SDCCAG8: variants seen among roughly 807,000 people sequenced by gnomAD.
SDCCAG8 encodes the protein SHH signaling and ciliogenesis regulator SDCCAG8, also known as serologically defined colon cancer antigen 8.
In SDCCAG8, 74 loss-of-function variants were observed where a neutral mutation model predicts 101.8. The observed-to-expected ratio is 0.73, with a 90% CI of 0.60 to 0.88. The LOEUF (loss-of-function observed/expected upper bound fraction) is 0.88. Ranked by LOEUF, SDCCAG8 falls within the 40% of genes least tolerant of loss-of-function variation. The probability of loss-of-function intolerance (pLI) is 0.00; values close to 1 mark genes in which losing one functional copy is unlikely to be tolerated. For missense variants in SDCCAG8, 787 were observed against 822.6 expected (o/e 0.96, Z 0.53); for synonymous variants, 281 against 292.9 (o/e 0.96, Z 0.41).
rs559710990 is a variant in SDCCAG8, at chr1:243,267,718, A to C, written c.68-2387A>C. 3.8e-6 allele frequency: 3 copies of C among 795,596 alleles called. No individual in the cohort carries two copies. The East Asian group carries it at 7.3e-5, about 19-fold the overall frequency. 49.3% of individuals were successfully genotyped at this position (795,596 alleles called of 1,614,324 possible). ...CATGTGCATAGGTTCCTGTGTGTGT[A>C]CATGGTAATTGTTCAAATCTTGGAT... On this transcript the variant is annotated intron_variant, in intron 1 of 17. Transcript: ENST00000366541.
At chr1:243,348,202 A>ATTTTTTTT (rs74162279) in intron 12 of SDCCAG8, among the ~76,000 whole-genome samples, 3 of 131,652 alleles carry the variant, frequency 2.3e-5, no homozygotes, top group Admixed American at 7.4e-5. Context: ...CGCCCGGCTA[A>ATTTTTTTT]TTTTTTTTTT....
intron 5 of SDCCAG8, among the ~76,000 whole-genome samples, chr1:243,288,141 AC>A (rs2069814406): frequency 6.6e-6 from 1 of 152,028 alleles, no homozygotes; most frequent in African/African-American, 2.4e-5. Context: ...TTGAATTGTT[AC>A]CCCCACGTTT....
intron 16 of SDCCAG8, among the ~76,000 whole-genome samples, chr1:243,438,737 A>G (rs1209192453): frequency 6.6e-6 from 1 of 152,214 alleles, no homozygotes; most frequent in Non-Finnish European, 1.5e-5. Context: ...TTTCAGTACC[A>G]TGAGGCTTTT....
chr1:243,289,143 C>G (rs966620158), intron 5 of SDCCAG8, among the ~76,000 whole-genome samples: 6 of 152,000 alleles, frequency 3.9e-5, no homozygotes, highest in Non-Finnish European at 8.8e-5. Context: ...GACACAATCA[C>G]AAGGTCCCAC....
intron 4 of SDCCAG8, among the ~76,000 whole-genome samples, chr1:243,278,441 G>A (rs757119635): frequency 2.0e-5 from 3 of 152,056 alleles, no homozygotes; most frequent in Non-Finnish European, 2.9e-5. Context: ...GGCTGCTCTC[G>A]AACTCCTGAA....
intron 6 of SDCCAG8, among the ~76,000 whole-genome samples, chr1:243,295,472 G>A (rs1469104345): frequency 2.0e-5 from 3 of 151,956 alleles, no homozygotes; most frequent in Non-Finnish European, 4.4e-5. Context: ...TCCTGACCTC[G>A]TAATCCACCC....
intron 9 of SDCCAG8, among the ~76,000 whole-genome samples, chr1:243,329,200 A>G (rs2074415372): frequency 6.6e-6 from 1 of 152,108 alleles, no homozygotes; most frequent in South Asian, 2.1e-4. Flanking sequence ...CTCGGCTGGA[A>G]TTTTGACTTG....
In SDCCAG8 at chr1:243,287,430, A is replaced by C. The variant is rs145237769; in HGVS notation, c.546+1033A>C. The stretch of plus-strand genomic sequence containing the variant: ...GTTTTTGAAGTTTTTTTTTTTTTTA[A>C]CTTGAATTGATAGTTGGTTTATAAT... On this transcript the variant is annotated intron_variant, in intron 5 of 17. Coordinates refer to ENST00000366541, the MANE Select transcript of SDCCAG8 (RefSeq NM_006642.5). Among the ~76,000 whole-genome samples the C allele has an allele frequency of 6.0e-3, 909 of 150,702 alleles. 6 individuals are homozygous for C. Among genetic ancestry groups the C allele is most frequent in the African/African-American group, 0.021 (864 of 41,062 alleles).
At chr1:243,350,981 T>C (rs897790223) in intron 12 of SDCCAG8, among the ~76,000 whole-genome samples, 3 of 152,334 alleles carry the variant, frequency 2.0e-5, no homozygotes, top group Admixed American at 6.5e-5. Context: ...CACTTACAGA[T>C]TAAAGTAAAA....
intron 11 of SDCCAG8, 149 bp from the exon 12 acceptor site, chr1:243,344,066 C>T (rs956204136): frequency 1.6e-5 from 11 of 673,890 alleles, no homozygotes; most frequent in African/African-American, 5.4e-5. Flanking sequence ...TAACAAGCTA[C>T]GTTGAATAGT....
chr1:243,267,605 GAAA>G (rs113992307), intron 1 of SDCCAG8: 324 of 459,032 alleles, frequency 7.1e-4, no homozygotes, highest in East Asian at 1.1e-3. Flanking sequence ...TCCCTCTCAA[GAAA>G]AAAAAAAAAA....
At chr1:243,399,567 C>T (rs551986080) in intron 13 of SDCCAG8, among the ~76,000 whole-genome samples, 122 of 152,044 alleles carry the variant, frequency 8.0e-4, no homozygotes, top group African/African-American at 2.2e-3. Context: ...AGTGCAGTGG[C>T]GTGATCTCAG....
At chr1:243,261,382 G>A (rs2067181448) in intron 1 of SDCCAG8, among the ~76,000 whole-genome samples, 1 of 152,214 alleles carries the variant, frequency 6.6e-6, no homozygotes, top group Non-Finnish European at 1.5e-5. Context: ...GTAAGGAGTT[G>A]AACCAGGTAC....
chr1:243,263,087 A>G (rs1175009036), intron 1 of SDCCAG8, among the ~76,000 whole-genome samples: 15 of 152,150 alleles, frequency 9.9e-5, no homozygotes, highest in Admixed American at 9.8e-4. Context: ...GCTCACTGTC[A>G]CGCTCATTTT....
At chr1:243,370,168 C>T (rs891561571) in intron 12 of SDCCAG8, among the ~76,000 whole-genome samples, 9 of 151,990 alleles carry the variant, frequency 5.9e-5, no homozygotes, top group Admixed American at 1.3e-4. Flanking sequence ...CTGCTCCTAG[C>T]ATCAGCAGAC....
intron 9 of SDCCAG8, among the ~76,000 whole-genome samples, chr1:243,324,192 G>A (rs1371786365): frequency 3.3e-5 from 5 of 151,766 alleles, no homozygotes; most frequent in African/African-American, 7.3e-5. Flanking sequence ...CAACCAAACC[G>A]TTCATTGGCT....
intron 3 of SDCCAG8, among the ~76,000 whole-genome samples, chr1:243,274,016 C>T (rs1172215402): frequency 1.3e-5 from 2 of 152,120 alleles, no homozygotes; most frequent in African/African-American, 4.8e-5. Flanking sequence ...AAAATAAATA[C>T]CTGAGGCTGG....
In SDCCAG8 at chr1:243,330,809, A is replaced by G. The variant is rs1035568153; in HGVS notation, c.1221+117A>G. Reference sequence around the variant, plus strand: ...CTTTAAATTTTAAAATCGTTATTATATAAGTAGTTAAATTTCGTATAATTT... The same window carrying G: ...CTTTAAATTTTAAAATCGTTATTATGTAAGTAGTTAAATTTCGTATAATTT... On this transcript the variant is annotated intron_variant, in intron 10 of 17. Coordinates refer to ENST00000366541, the MANE Select transcript of SDCCAG8 (RefSeq NM_006642.5). 25 of 938,348 alleles carry G rather than the reference A, an allele frequency of 2.7e-5. No individual in the cohort carries two copies. In the Admixed American group the frequency reaches 4.0e-4, roughly 15 times the overall value. 58.1% of individuals were successfully genotyped at this position (938,348 alleles called of 1,614,324 possible). A position where few individuals can be genotyped will look rare whatever the true frequency, so the allele number is the denominator to read the frequency against.
intron 12 of SDCCAG8, among the ~76,000 whole-genome samples, chr1:243,360,207 G>C (rs191754077): frequency 6.9e-6 from 1 of 145,274 alleles, no homozygotes; most frequent in Non-Finnish European, 1.5e-5. Context: ...GTGCAGTGGC[G>C]CGATCTCAGC....
Sources: gnomAD v4.1 joint callset for allele counts (sites outside exome capture counted in the v4.1 genomes callset) on GRCh38, gnomAD v4.1.1 for gene constraint, MANE v1.5 for transcripts, NCBI Gene and HGNC (gene_info 2026-07-23, HGNC 2026-07-21) for gene names.